Variants in CYRIA observed in about 807,000 individuals in gnomAD.
The protein encoded by CYRIA is CYFIP related Rac1 interactor A, also known as CYFIP-related Rac1 interactor A.
In CYRIA, 15 loss-of-function variants were observed where a neutral mutation model predicts 43.9. That is an observed-to-expected ratio of 0.34 (90% CI 0.23 to 0.53). The LOEUF is 0.53. Ranked by LOEUF, CYRIA falls within the 20% of genes least tolerant of loss-of-function variation. The pLI is 0.94. For synonymous variants in CYRIA, 117 were observed against 136.0 expected, an observed-to-expected ratio of 0.86 and a Z score of 0.97; for missense variants, 236 against 394.2, an observed-to-expected ratio of 0.60 and a Z score of 3.40.
At chr2:16,620,754 C>T (rs569116800) in intron 2 of CYRIA, among the ~76,000 whole-genome samples, 114 of 152,292 alleles carry the variant, frequency 7.5e-4, no homozygotes, top group Non-Finnish European at 1.4e-3. Context: ...TCAGACTCAC[C>T]TCTCCACATT....
chr2:16,614,604 T>C (rs907115529), intron 2 of CYRIA, among the ~76,000 whole-genome samples: 1 of 152,182 alleles, frequency 6.6e-6, no homozygotes, highest in African/African-American at 2.4e-5. Flanking sequence ...TTCATTCCAC[T>C]TGAAGACAGC....
intron 2 of CYRIA, among the ~76,000 whole-genome samples, chr2:16,589,092 G>A (rs569286449): frequency 2.0e-5 from 3 of 152,042 alleles, no homozygotes; most frequent in South Asian, 2.1e-4. Flanking sequence ...ACATATTTAC[G>A]GAGGAGCGAT....
chr2:16,647,063 A>G (rs1669841890), intron 1 of CYRIA, among the ~76,000 whole-genome samples: 2 of 152,106 alleles, frequency 1.3e-5, no homozygotes. Context: ...ATCTCTTTCT[A>G]TCTGTAGCCA....
At position 16,561,478 on chromosome 2, in the gene CYRIA, C is replaced by T; in HGVS notation, c.491G>A (p.Arg164His). Residue 164 changes from arginine (R) to histidine (H), a missense_variant, in exon 7 of 12, where the codon CGC (arginine) becomes CAC (histidine). Physicochemically the swap from Arg to His is conservative, Grantham distance 29. Transcript: ENST00000381323. Reference protein sequence around the residue: ...DFSYYRRTISRNRINNMHLDI... With the variant: ...DFSYYRRTISHNRINNMHLDI... ...CACGTGCATGTTGTTGATGCGGTTGCGACTGATTGTTCTTCTGTAGTAGCT... is the reference window on the plus strand; with the variant it reads ...CACGTGCATGTTGTTGATGCGGTTGTGACTGATTGTTCTTCTGTAGTAGCT... The T allele has an allele frequency of 5.6e-6, 9 of 1,613,756 alleles. No homozygotes were observed. Among genetic ancestry groups the T allele is most frequent in the Non-Finnish European group, 7.6e-6 (9 of 1,179,784 alleles).
At chr2:16,558,321 A>C (rs1426397050) in intron 10 of CYRIA, among the ~76,000 whole-genome samples, 1 of 152,170 alleles carries the variant, frequency 6.6e-6, no homozygotes, top group Non-Finnish European at 1.5e-5. Flanking sequence ...CAGAACCTTA[A>C]AATAAGTAAT....
chr2:16,662,249 G>A (rs1670276536), intron 1 of CYRIA, among the ~76,000 whole-genome samples: 1 of 152,152 alleles, frequency 6.6e-6, no homozygotes, highest in Admixed American at 6.5e-5. Flanking sequence ...AAAGAGCTTT[G>A]TACCATGGTT....
intron 1 of CYRIA, among the ~76,000 whole-genome samples, chr2:16,638,705 G>C (rs16982623): frequency 0.22 from 33,645 of 152,112 alleles, 3,862 homozygotes; most frequent in East Asian, 0.33. Flanking sequence ...CATTTTGAAC[G>C]TAGGGTTTTA....
intron 1 of CYRIA, among the ~76,000 whole-genome samples, chr2:16,661,526 G>A (rs1246917242): frequency 2.0e-5 from 3 of 152,142 alleles, no homozygotes; most frequent in Non-Finnish European, 4.4e-5. Flanking sequence ...CTTTAACTCA[G>A]ATGTGTCAAA....
chr2:16,573,218 TA>T (rs1436561927), intron 3 of CYRIA, among the ~76,000 whole-genome samples: 1 of 152,238 alleles, frequency 6.6e-6, no homozygotes, highest in South Asian at 2.1e-4. Context: ...AATATAAGCA[TA>T]AGATGCCATC....
In CYRIA at chr2:16,564,059, T is replaced by C. The variant is rs1042949741; in HGVS notation, c.228A>G (p.Glu76=). 1.2e-6 allele frequency: 2 copies of C among 1,613,550 alleles called. No individual in the cohort carries two copies. The highest frequency in any genetic ancestry group is 1.3e-5 in the African/African-American group (1 of 74,896). ...GAGGGCACACCGCATTCCAAGCTTT[T>C]TCTTGAAGCTGAATGTCATTGGGAT... ...IQNPNDIQLQ[E]KAWNAVCPLV... is the part of the protein sequence containing the mutation. Residue 76 remains glutamate (E), a synonymous_variant, in exon 5 of 12, where the codon GAA becomes GAG. Coordinates refer to ENST00000381323, the MANE Select transcript of CYRIA (RefSeq NM_030797.4).
chr2:16,651,567 A>G (rs1572205088), intron 1 of CYRIA, among the ~76,000 whole-genome samples: 1 of 152,196 alleles, frequency 6.6e-6, no homozygotes, highest in African/African-American at 2.4e-5. Context: ...GGTCCCGCAC[A>G]GGCATGTGAG....
chr2:16,612,743 T>C (rs1668648841), intron 2 of CYRIA, among the ~76,000 whole-genome samples: 1 of 152,154 alleles, frequency 6.6e-6, no homozygotes. Flanking sequence ...AAAATAGCAA[T>C]GTCTCCCCAC....
At chr2:16,593,857 C>T (rs535037508) in intron 2 of CYRIA, among the ~76,000 whole-genome samples, 49 of 147,732 alleles carry the variant, frequency 3.3e-4, no homozygotes, top group Non-Finnish European at 6.7e-4. Context: ...GGTATATCTC[C>T]CAATGCTATC....
intron 2 of CYRIA, among the ~76,000 whole-genome samples, chr2:16,608,753 C>A (rs970562946): frequency 1.3e-5 from 2 of 152,218 alleles, no homozygotes; most frequent in Non-Finnish European, 2.9e-5. Flanking sequence ...GCGCCCCCTG[C>A]CTTGCATTTC....
At chr2:16,585,628 T>G (rs1426315799) in intron 3 of CYRIA, among the ~76,000 whole-genome samples, 1 of 152,144 alleles carries the variant, frequency 6.6e-6, no homozygotes, top group Non-Finnish European at 1.5e-5. Flanking sequence ...GAAATTAAAT[T>G]GACAAATGGA....
chr2:16,574,754 G>T (rs567450745), intron 3 of CYRIA, among the ~76,000 whole-genome samples: 1 of 152,322 alleles, frequency 6.6e-6, no homozygotes, highest in East Asian at 1.9e-4. Flanking sequence ...GGAATCTCCA[G>T]ATTTCAGAAG....
intron 3 of CYRIA, among the ~76,000 whole-genome samples, chr2:16,580,494 T>C (rs1667515242): frequency 6.6e-6 from 1 of 152,148 alleles, no homozygotes; most frequent in African/African-American, 2.4e-5. Flanking sequence ...AATTAAATGA[T>C]ATATAAATAA....
rs1439043016 is a variant in CYRIA, at chr2:16,553,011, G to C, written c.909-12C>G. The stretch of plus-strand genomic sequence containing the variant: ...GCTTTGTAGTGAACCTGGATGGAGA[G>C]AGAATGGTAGAGGTTAGCGGCAAAC... On this transcript the variant is annotated splice_polypyrimidine_tract_variant and intron_variant, in intron 11 of 11. Transcript: ENST00000381323. 9 of 1,570,620 alleles carry C rather than the reference G, an allele frequency of 5.7e-6. No individual in the cohort carries two copies. Among genetic ancestry groups the C allele is most frequent in the Non-Finnish European group, 7.9e-6 (9 of 1,140,070 alleles).
chr2:16,585,139 A>G (rs749546877), intron 3 of CYRIA, among the ~76,000 whole-genome samples: 27 of 152,126 alleles, frequency 1.8e-4, no homozygotes, highest in Non-Finnish European at 3.4e-4. Flanking sequence ...TCAAGGAGAA[A>G]TCACGATAGC....
Sources: gnomAD v4.1 joint callset for allele counts (sites outside exome capture counted in the v4.1 genomes callset) on GRCh38, gnomAD v4.1.1 for gene constraint, MANE v1.5 for transcripts, NCBI Gene and HGNC (gene_info 2026-07-23, HGNC 2026-07-21) for gene names.